The following CDH13 variants were observed in gnomAD, a reference collection of about 807,000 sequenced individuals.
The protein encoded by CDH13 is cadherin 13.
In CDH13, 24 loss-of-function variants were observed where a neutral mutation model predicts 63.8. The ratio of observed to expected loss-of-function variants is 0.38; its 90% CI spans 0.27 to 0.53. CDH13 has a LOEUF of 0.53. CDH13 is among the 20% of genes least tolerant of loss of function. The pLI is 0.85. For synonymous variants in CDH13, 503 were observed against 355.3 expected (o/e 1.42, Z -4.67); for missense variants, 1,049 against 903.1 (o/e 1.16, Z -2.07).
intron 4 of CDH13, among the ~76,000 whole-genome samples, chr16:83,130,626 G>T (rs564772208): frequency 2.0e-5 from 3 of 152,268 alleles, no homozygotes; most frequent in South Asian, 2.1e-4. Context: ...CAATTCTTTC[G>T]AGTTTTCTCT....
Position 83,047,436 on chromosome 16 carries a change from G to T in CDH13, c.366+15218G>T, listed in dbSNP as rs997755926. ...TTAACAAAGCCTAGTCTGTAAGAGC[G>T]TGACCACCAGTCTTATTTACCTTGT... is the stretch of plus-strand genomic sequence containing the variant. On this transcript the variant is annotated intron_variant, in intron 3 of 13. Coordinates refer to ENST00000567109, the MANE Select transcript of CDH13 (RefSeq NM_001257.5). The surrounding 1 kb of genome is among the most constrained non-coding windows in gnomAD (Gnocchi z 4.9). Among the ~76,000 whole-genome samples, 1 of 151,994 alleles carries T rather than the reference G, an allele frequency of 6.6e-6. No homozygotes were observed. Among genetic ancestry groups the T allele is most frequent in the Non-Finnish European group, 1.5e-5 (1 of 68,020 alleles).
intron 6 of CDH13, among the ~76,000 whole-genome samples, chr16:83,464,097 A>G (rs568153134): frequency 7.9e-5 from 12 of 152,274 alleles, no homozygotes; most frequent in Admixed American, 3.9e-4. Context: ...GTTTTGAGAC[A>G]GAGTCTTGCC....
At chr16:83,204,915 C>A (rs1000009685) in intron 4 of CDH13, among the ~76,000 whole-genome samples, 1 of 152,168 alleles carries the variant, frequency 6.6e-6, no homozygotes, top group East Asian at 1.9e-4. Context: ...ATGCTTTCGC[C>A]CACAATTAAC....
intron 6 of CDH13, among the ~76,000 whole-genome samples, chr16:83,417,478 C>T (rs558521850): frequency 1.3e-5 from 2 of 152,174 alleles, no homozygotes; most frequent in Non-Finnish European, 2.9e-5. Context: ...CCCTGGTCAC[C>T]GTGCTCTTGC....
chr16:82,676,690 A>G (rs1447666777), intron 1 of CDH13, among the ~76,000 whole-genome samples: 2 of 151,888 alleles, frequency 1.3e-5, no homozygotes, highest in Non-Finnish European at 2.9e-5. Context: ...TATGAAATAT[A>G]AAACAAAACC....
At chr16:83,074,323 G>T (rs186368857) in intron 3 of CDH13, among the ~76,000 whole-genome samples, 1 of 152,024 alleles carries the variant, frequency 6.6e-6, no homozygotes, top group Non-Finnish European at 1.5e-5. Context: ...ATATGATTTC[G>T]TTCTTTTTTA....
At chr16:83,572,923 C>T (rs1477721794) in intron 7 of CDH13, among the ~76,000 whole-genome samples, 1 of 152,186 alleles carries the variant, frequency 6.6e-6, no homozygotes, top group Non-Finnish European at 1.5e-5. Flanking sequence ...AATCCAAACT[C>T]ATTAAGTTTC....
At chr16:82,903,848 G>A (rs1307102007) in intron 2 of CDH13, among the ~76,000 whole-genome samples, 1 of 152,158 alleles carries the variant, frequency 6.6e-6, no homozygotes, top group Non-Finnish European at 1.5e-5. Flanking sequence ...GGTTGAGAGA[G>A]GTGATGCAGA....
intron 1 of CDH13, among the ~76,000 whole-genome samples, chr16:82,806,656 TTTGTTG>T (rs200360794): frequency 6.6e-6 from 1 of 152,040 alleles, no homozygotes; most frequent in African/African-American, 2.4e-5. Flanking sequence ...TGGTGGGATT[TTTGTTG>T]TTGTTGTTGT....
chr16:82,940,532 T>A (rs1904276205), intron 2 of CDH13, among the ~76,000 whole-genome samples: 1 of 152,218 alleles, frequency 6.6e-6, no homozygotes, highest in Non-Finnish European at 1.5e-5. Flanking sequence ...CTTTTTTACT[T>A]CCAGATTTGG....
chr16:83,358,676 A>C (rs1386177752), intron 6 of CDH13, among the ~76,000 whole-genome samples: 1 of 152,150 alleles, frequency 6.6e-6, no homozygotes, highest in African/African-American at 2.4e-5. Context: ...TTGCTGCTTG[A>C]GACATAAGCC....
At chr16:83,032,383 G>A (rs536950236) in intron 3 of CDH13, 165 bp downstream of exon 3, 9 of 600,328 alleles carry the variant, frequency 1.5e-5, no homozygotes, top group South Asian at 4.3e-5. Context: ...GAGGGGCAGC[G>A]GGAATTAATT....
intron 3 of CDH13, among the ~76,000 whole-genome samples, chr16:83,080,962 A>G (rs751020579): frequency 7.5e-6 from 1 of 133,110 alleles, no homozygotes; most frequent in Non-Finnish European, 1.5e-5. Context: ...GCTCACCGCA[A>G]CCTCTGCCTC....
chr16:82,728,961 G>C (rs569857955), intron 1 of CDH13, among the ~76,000 whole-genome samples: 146 of 152,256 alleles, frequency 9.6e-4, no homozygotes, highest in Non-Finnish European at 1.9e-3. Flanking sequence ...TCCATCTCAA[G>C]AAACCACTTT....
chr16:83,247,493 C>A (rs1021022443), intron 5 of CDH13, among the ~76,000 whole-genome samples: 2 of 8,216 alleles, frequency 2.4e-4, no homozygotes. Context: ...CATGCTGTCA[C>A]CACTTTTTTT....
chr16:83,349,527 G>A (rs2090907303), intron 6 of CDH13, among the ~76,000 whole-genome samples: 1 of 152,070 alleles, frequency 6.6e-6, no homozygotes, highest in African/African-American at 2.4e-5. Context: ...GAGGTACAGG[G>A]ACAGATACCA....
chr16:82,904,321 C>A (rs1331826869), intron 2 of CDH13, among the ~76,000 whole-genome samples: 2 of 152,158 alleles, frequency 1.3e-5, no homozygotes, highest in African/African-American at 4.8e-5. Flanking sequence ...GCTTTGGCAT[C>A]CAAATCCATT....
chr16:83,378,313 C>T (rs947986499), intron 6 of CDH13, among the ~76,000 whole-genome samples: 1 of 152,174 alleles, frequency 6.6e-6, no homozygotes, highest in South Asian at 2.1e-4. Context: ...TTACACCTGA[C>T]CTTTCTAGCT....
intron 10 of CDH13, among the ~76,000 whole-genome samples, chr16:83,730,766 C>G (rs1019999946): frequency 6.6e-6 from 1 of 152,124 alleles, no homozygotes; most frequent in African/African-American, 2.4e-5. Flanking sequence ...TCCCATCACC[C>G]AGACAGTGTG....
Sources: gnomAD v4.1 joint callset for allele counts (sites outside exome capture counted in the v4.1 genomes callset) on GRCh38, gnomAD v4.1.1 for gene constraint, Gnocchi (gnomAD v3.1) non-coding constraint, MANE v1.5 for transcripts, NCBI Gene and HGNC (gene_info 2026-07-23, HGNC 2026-07-21) for gene names.